The following LRRC4C variants were observed in gnomAD, a reference collection of about 807,000 sequenced individuals.
LRRC4C encodes leucine-rich repeat-containing protein 4C.
Under a neutral mutation model 33.6 loss-of-function variants are expected in LRRC4C, and 5 were observed. The ratio of observed to expected loss-of-function variants is 0.15; its 90% CI spans 0.08 to 0.31. The LOEUF is 0.31. Ranked by LOEUF, LRRC4C falls within the 10% of genes least tolerant of loss-of-function variation. The pLI, the probability that LRRC4C is intolerant of heterozygous loss-of-function variation, is 1.00. For missense variants in LRRC4C, 560 were observed against 796.7 expected (o/e 0.70, Z 3.58); for synonymous variants, 329 against 302.0 (o/e 1.09, Z -0.93).
intron 3 of LRRC4C, among the ~76,000 whole-genome samples, chr11:40,577,293 T>C (rs763832227): frequency 6.6e-6 from 1 of 152,198 alleles, no homozygotes; most frequent in Non-Finnish European, 1.5e-5. Context: ...GTCACTGTAC[T>C]ACAAATACCC....
At chr11:40,792,962 G>A (rs1565068610) in intron 2 of LRRC4C, among the ~76,000 whole-genome samples, 1 of 151,888 alleles carries the variant, frequency 6.6e-6, no homozygotes. Flanking sequence ...ACAGGGCAGG[G>A]AACATCACAC....
chr11:40,449,447 C>A (rs1951792281), intron 3 of LRRC4C, among the ~76,000 whole-genome samples: 1 of 151,794 alleles, frequency 6.6e-6, no homozygotes, highest in Non-Finnish European at 1.5e-5. Context: ...ACAGTGAAAT[C>A]TTTTTATCTT....
At chr11:40,868,755 T>C (rs1353466716) in intron 2 of LRRC4C, among the ~76,000 whole-genome samples, 1 of 152,186 alleles carries the variant, frequency 6.6e-6, no homozygotes, top group African/African-American at 2.4e-5. Flanking sequence ...GCTAGAAATG[T>C]TTAATATGTT....
chr11:41,135,930 C>A (rs1162572024), intron 1 of LRRC4C, among the ~76,000 whole-genome samples: 1 of 152,126 alleles, frequency 6.6e-6, no homozygotes, highest in Non-Finnish European at 1.5e-5. Context: ...TGAGTGCATG[C>A]CCTTTGCACC....
intron 2 of LRRC4C, among the ~76,000 whole-genome samples, chr11:40,723,507 C>T (rs947850321): frequency 3.3e-5 from 5 of 152,116 alleles, no homozygotes; most frequent in South Asian, 2.1e-4. Context: ...TCCTGACAAA[C>T]GAAGCTTGAT....
At chr11:40,658,814 G>C (rs993640315) in intron 2 of LRRC4C, among the ~76,000 whole-genome samples, 2 of 152,204 alleles carry the variant, frequency 1.3e-5, no homozygotes, top group Non-Finnish European at 2.9e-5. Context: ...TCAATATCTA[G>C]TGTTAAGTAA....
intron 5 of LRRC4C, among the ~76,000 whole-genome samples, chr11:40,209,412 G>A (rs1022683619): frequency 6.6e-6 from 1 of 152,160 alleles, no homozygotes; most frequent in African/African-American, 2.4e-5. Context: ...GGTGATAAAG[G>A]CTAAAGGCTT....
intron 1 of LRRC4C, among the ~76,000 whole-genome samples, chr11:41,066,877 C>T (rs922179999): frequency 3.9e-5 from 6 of 152,124 alleles, no homozygotes; most frequent in Non-Finnish European, 8.8e-5. Flanking sequence ...GGGAATTCAT[C>T]ACTACCAGGC....
chr11:40,934,875 A>G (rs914910251), intron 1 of LRRC4C, among the ~76,000 whole-genome samples: 1 of 152,118 alleles, frequency 6.6e-6, no homozygotes, highest in African/African-American at 2.4e-5. Context: ...AGAATATCCC[A>G]AAGGGAGCTC....
chr11:40,149,426 T>C (rs1039258753), intron 5 of LRRC4C, among the ~76,000 whole-genome samples: 1 of 152,196 alleles, frequency 6.6e-6, no homozygotes, highest in African/African-American at 2.4e-5. Context: ...GTATTCCTGG[T>C]ATTTTATTCT....
intron 2 of LRRC4C, among the ~76,000 whole-genome samples, chr11:40,816,221 C>T (rs1951700830): frequency 6.6e-6 from 1 of 152,170 alleles, no homozygotes. Context: ...TTCTAGGCCA[C>T]TAGAGGTTAT....
At chr11:40,647,649 C>G in intron 3 of LRRC4C, among the ~76,000 whole-genome samples, 1 of 152,184 alleles carries the variant, frequency 6.6e-6, no homozygotes, top group Non-Finnish European at 1.5e-5. Flanking sequence ...CCGATCTCCC[C>G]AGGTTTTCAA....
chr11:41,161,502 C>T (rs916041472), intron 1 of LRRC4C, among the ~76,000 whole-genome samples: 49 of 152,204 alleles, frequency 3.2e-4, no homozygotes, highest in African/African-American at 9.1e-4. Flanking sequence ...ATATTAAGTA[C>T]CTTTTCCATC....
At chr11:41,159,515 A>C (rs1466974168) in intron 1 of LRRC4C, among the ~76,000 whole-genome samples, 1 of 152,092 alleles carries the variant, frequency 6.6e-6, no homozygotes, top group Non-Finnish European at 1.5e-5. Context: ...TAAAAGAAAC[A>C]ATGAGCAGAC....
intron 1 of LRRC4C, among the ~76,000 whole-genome samples, chr11:41,244,401 GC>G (rs1948373043): frequency 6.6e-6 from 1 of 152,170 alleles, no homozygotes; most frequent in African/African-American, 2.4e-5. Context: ...GTGGGGGACA[GC>G]TTTCTAAAAA....
At chr11:40,233,107 A>G (rs546391840) in intron 5 of LRRC4C, among the ~76,000 whole-genome samples, 80 of 152,050 alleles carry the variant, frequency 5.3e-4, no homozygotes, top group African/African-American at 1.8e-3. Context: ...AATGCCTCCC[A>G]CTCTGGAATC....
At chr11:40,781,730 T>C (rs930833696) in intron 2 of LRRC4C, among the ~76,000 whole-genome samples, 12 of 152,218 alleles carry the variant, frequency 7.9e-5, no homozygotes, top group Non-Finnish European at 1.5e-4. Flanking sequence ...TGTATTCAAC[T>C]GGACTCTAAT....
At chr11:40,950,489 CTTTG>C (rs1265228584) in intron 1 of LRRC4C, among the ~76,000 whole-genome samples, 2 of 151,870 alleles carry the variant, frequency 1.3e-5, no homozygotes, top group Non-Finnish European at 2.9e-5. Flanking sequence ...ACATATTTTT[CTTTG>C]TATTATAATT....
chr11:40,723,303 C>A (rs994278724), intron 2 of LRRC4C, among the ~76,000 whole-genome samples: 3 of 151,534 alleles, frequency 2.0e-5, no homozygotes, highest in Non-Finnish European at 4.4e-5. Context: ...GACACATAGT[C>A]ATCCGACTTT....
Sources: allele counts gnomAD v4.1 joint callset (sites outside exome capture counted in the v4.1 genomes callset), GRCh38; gene constraint gnomAD v4.1.1; transcripts MANE v1.5; gene names NCBI Gene and HGNC (gene_info 2026-07-23, HGNC 2026-07-21).